The following NIPBL variants were observed in gnomAD, a reference collection of about 807,000 sequenced individuals.
NIPBL encodes the protein nipped-B-like protein.
NIPBL carries 19 observed loss-of-function variants against 321.8 expected under a neutral mutation model. The observed-to-expected ratio is 0.06, with a 90% confidence interval of 0.04 to 0.09. The LOEUF is 0.09. Ranked by LOEUF, NIPBL falls within the 10% of genes least tolerant of loss-of-function variation. The pLI is 1.00. For synonymous variants in NIPBL, 1,106 were observed against 1,114.1 expected (o/e 0.99, Z 0.14); for missense variants, 2,210 against 3,327.0 (o/e 0.66, Z 8.26).
At chr5:36,942,432 T>TAA (rs33935189) in intron 1 of NIPBL, among the ~76,000 whole-genome samples, 1,903 of 59,732 alleles carry the variant, frequency 0.032, 91 homozygotes, top group African/African-American at 0.071. Flanking sequence ...ACTCTGTCTT[T>TAA]AAAAAAAAAA....
chr5:36,926,144 G>C (rs540803585), intron 1 of NIPBL, among the ~76,000 whole-genome samples: 28 of 152,248 alleles, frequency 1.8e-4, no homozygotes, highest in African/African-American at 6.7e-4. Flanking sequence ...CACTGTAAAT[G>C]TACCTTTGAG....
At chr5:37,045,260 A>T (rs1024172907) in intron 36 of NIPBL, among the ~76,000 whole-genome samples, 183 bp from the exon 37 acceptor site, 1 of 152,150 alleles carries the variant, frequency 6.6e-6, no homozygotes, top group Admixed American at 6.5e-5. Flanking sequence ...AAGCTGAGGC[A>T]GGAGAATCAC....
At chr5:36,932,246 C>T (rs1749830498) in intron 1 of NIPBL, among the ~76,000 whole-genome samples, 1 of 152,130 alleles carries the variant, frequency 6.6e-6, no homozygotes, top group African/African-American at 2.4e-5. Context: ...GTTCTGTAAA[C>T]TTAAGTTAGG....
intron 1 of NIPBL, among the ~76,000 whole-genome samples, chr5:36,882,008 T>C (rs951639517): frequency 6.6e-6 from 1 of 151,930 alleles, no homozygotes; most frequent in Non-Finnish European, 1.5e-5. Context: ...ATCTATAAAT[T>C]AGTATGACTG....
At chr5:37,000,320 T>G in intron 11 of NIPBL, 53 bp from the exon 12 acceptor site, 2 of 1,558,046 alleles carry the variant, frequency 1.3e-6, no homozygotes, top group East Asian at 2.2e-5. Context: ...AGTACAAGTT[T>G]TAATCATCTT....
At chr5:37,027,699 A>G (rs1288333732) in intron 32 of NIPBL, among the ~76,000 whole-genome samples, 1 of 141,294 alleles carries the variant, frequency 7.1e-6, no homozygotes, top group Non-Finnish European at 1.5e-5. Flanking sequence ...GTTCACTTCA[A>G]CCTCTGCCTC....
chr5:36,880,417 GA>G (rs1745417233), intron 1 of NIPBL, among the ~76,000 whole-genome samples: 1 of 151,912 alleles, frequency 6.6e-6, no homozygotes, highest in African/African-American at 2.4e-5. Context: ...TGCTTATTAG[GA>G]AAAGCATAAT....
At chr5:36,936,450 A>G (rs1738440568) in intron 1 of NIPBL, among the ~76,000 whole-genome samples, 1 of 152,174 alleles carries the variant, frequency 6.6e-6, no homozygotes, top group Non-Finnish European at 1.5e-5. Context: ...CCTAGGAGCA[A>G]TAGGCTATAC....
chr5:37,016,912 G>A (rs1031759706), intron 23 of NIPBL, 107 bp from the exon 24 acceptor site: 6 of 863,864 alleles, frequency 6.9e-6, no homozygotes, highest in Admixed American at 3.2e-5. Context: ...AAAAAAAAAA[G>A]TTTAAATTTT....
Position 36,972,007 on chromosome 5 carries a change from A to G in NIPBL, c.834A>G (p.Val278=), listed in dbSNP as rs377714862. Residue 278 remains valine (V), a synonymous_variant, in exon 8 of 47, where the codon GTA becomes GTG. Transcript: ENST00000282516. ...TTCCCTTGAGATCTCCACAGCCAGT[A>G]TGCTCCCCTGCTGGAAGTGAAGGAA... ...ASFPLRSPQP[V]CSPAGSEGTP... The G allele has an allele frequency of 1.3e-4, 217 of 1,613,506 alleles. No individual in the cohort carries two copies. The highest frequency in any genetic ancestry group is 3.3e-4 in the East Asian group (15 of 44,822).
At chr5:37,031,921 C>T (rs1291905887) in intron 32 of NIPBL, among the ~76,000 whole-genome samples, 1 of 152,048 alleles carries the variant, frequency 6.6e-6, no homozygotes, top group African/African-American at 2.4e-5. Flanking sequence ...TGGAAAAAAT[C>T]AGAAGAGTGG....
intron 34 of NIPBL, among the ~76,000 whole-genome samples, chr5:37,041,039 A>T (rs1010172784): frequency 6.7e-6 from 1 of 149,744 alleles, no homozygotes; most frequent in African/African-American, 2.5e-5. Flanking sequence ...TTTTTTTTTT[A>T]GGAGAGCTCT....
chr5:36,963,619 T>C (rs572172817), intron 6 of NIPBL, among the ~76,000 whole-genome samples: 2 of 150,350 alleles, frequency 1.3e-5, no homozygotes, highest in East Asian at 2.0e-4. Flanking sequence ...CTGCGCAACA[T>C]AGTGGGACCC....
At chr5:37,009,927 T>C (rs1747907830) in intron 20 of NIPBL, among the ~76,000 whole-genome samples, 160 bp from the exon 21 acceptor site, 1 of 152,228 alleles carries the variant, frequency 6.6e-6, no homozygotes, top group Admixed American at 6.5e-5. Context: ...TTGATGTTTT[T>C]GCTAACTTAC....
intron 31 of NIPBL, 92 bp downstream of exon 31, chr5:37,026,419 AT>A (rs1750273812): frequency 1.3e-6 from 1 of 764,686 alleles, no homozygotes; most frequent in Admixed American, 2.0e-5. Context: ...ATAATGAGAT[AT>A]TTCATTAATC....
intron 1 of NIPBL, among the ~76,000 whole-genome samples, chr5:36,923,535 A>G (rs1370340531): frequency 6.6e-6 from 1 of 152,178 alleles, no homozygotes; most frequent in Non-Finnish European, 1.5e-5. Flanking sequence ...CTGCTTTTAT[A>G]TACATTCTTC....
chr5:37,024,867 A>G (rs1750078960), intron 30 of NIPBL, 148 bp downstream of exon 30: 1 of 635,836 alleles, frequency 1.6e-6, no homozygotes, highest in East Asian at 3.0e-5. Flanking sequence ...ACATACTTTA[A>G]TTTTTTTTGT....
intron 22 of NIPBL, among the ~76,000 whole-genome samples, 181 bp from the exon 23 acceptor site, chr5:37,015,857 A>G (rs1439999727): frequency 6.6e-6 from 1 of 152,184 alleles, no homozygotes; most frequent in Admixed American, 6.5e-5. Flanking sequence ...AATTAAGGAG[A>G]AAGTGGAGTT....
intron 14 of NIPBL, among the ~76,000 whole-genome samples, chr5:37,002,087 G>A (rs1007239488): frequency 1.8e-4 from 27 of 152,224 alleles, no homozygotes; most frequent in African/African-American, 6.0e-4. Context: ...AAAGATGGAG[G>A]CAAAATAATA....
Sources: allele counts gnomAD v4.1 joint callset (sites outside exome capture counted in the v4.1 genomes callset), GRCh38; gene constraint gnomAD v4.1.1; transcripts MANE v1.5; gene names NCBI Gene and HGNC (gene_info 2026-07-23, HGNC 2026-07-21).